Variants in PTPRD observed in about 807,000 individuals in gnomAD.
The protein encoded by PTPRD is receptor-type tyrosine-protein phosphatase delta.
Under a neutral mutation model 214.5 loss-of-function variants are expected in PTPRD, and 34 were observed. That is an observed-to-expected ratio of 0.16 (90% CI 0.12 to 0.21). The LOEUF is 0.21. PTPRD is among the 10% of genes least tolerant of loss of function. The pLI is 1.00. For missense variants in PTPRD, 2,545 were observed against 2,398.7 expected, an observed-to-expected ratio of 1.06 and a Z score of -1.27; for synonymous variants, 1,128 against 845.7, an observed-to-expected ratio of 1.33 and a Z score of -5.79.
chr9:8,707,060 G>A (rs1352010480), intron 12 of PTPRD, among the ~76,000 whole-genome samples: 1 of 152,152 alleles, frequency 6.6e-6, no homozygotes, highest in African/African-American at 2.4e-5. Flanking sequence ...TAATTACCTA[G>A]ACTAATTAAG....
chr9:9,768,743 T>C (rs557049625), intron 5 of PTPRD, among the ~76,000 whole-genome samples: 32 of 152,280 alleles, frequency 2.1e-4, no homozygotes, highest in South Asian at 1.0e-3. Flanking sequence ...AATTGTCTAA[T>C]AGCCATGAAA....
At chr9:9,780,279 C>A (rs1488086733) in intron 5 of PTPRD, among the ~76,000 whole-genome samples, 1 of 152,002 alleles carries the variant, frequency 6.6e-6, no homozygotes, top group East Asian at 1.9e-4. Context: ...GGGAGGGGAG[C>A]ATGATTTGAA....
intron 3 of PTPRD, among the ~76,000 whole-genome samples, chr9:10,043,764 C>G (rs558921156): frequency 6.6e-6 from 1 of 151,848 alleles, no homozygotes; most frequent in African/African-American, 2.4e-5. Flanking sequence ...GCAGAATCAT[C>G]CCTTGATTAT....
At chr9:9,577,058 G>A (rs2089110349) in intron 7 of PTPRD, among the ~76,000 whole-genome samples, 1 of 152,136 alleles carries the variant, frequency 6.6e-6, no homozygotes, top group Non-Finnish European at 1.5e-5. Flanking sequence ...TGTTGGGTAT[G>A]TAGATTGTAA....
intron 5 of PTPRD, among the ~76,000 whole-genome samples, chr9:9,937,696 T>C (rs2382081): frequency 0.36 from 54,885 of 151,940 alleles, 10,585 homozygotes; most frequent in East Asian, 0.74. Context: ...TGTTGATGAG[T>C]TTATCTTCTT....
chr9:8,319,583 G>A (rs1167025015), intron 45 of PTPRD, among the ~76,000 whole-genome samples: 3 of 151,870 alleles, frequency 2.0e-5, no homozygotes, highest in Non-Finnish European at 4.4e-5. Flanking sequence ...GGTCAAAAAT[G>A]GTCCAGTAGT....
At chr9:9,943,106 T>C (rs555520880) in intron 4 of PTPRD, among the ~76,000 whole-genome samples, 10 of 152,238 alleles carry the variant, frequency 6.6e-5, no homozygotes, top group South Asian at 6.2e-4. Context: ...TCCTTGGTCC[T>C]GAGACAATAT....
At chr9:8,390,969 G>C (rs769675382) in intron 36 of PTPRD, among the ~76,000 whole-genome samples, 22 of 152,090 alleles carry the variant, frequency 1.4e-4, no homozygotes, top group Non-Finnish European at 2.8e-4. Context: ...TTTTCAAATG[G>C]TCAGAATCAA....
intron 11 of PTPRD, among the ~76,000 whole-genome samples, chr9:8,911,300 G>A (rs2098745449): frequency 6.6e-6 from 1 of 152,100 alleles, no homozygotes; most frequent in South Asian, 2.1e-4. Context: ...CGTATTTAAG[G>A]TCAATTGATT....
chr9:10,018,998 G>A (rs1246527025), intron 4 of PTPRD, among the ~76,000 whole-genome samples: 4 of 152,082 alleles, frequency 2.6e-5, no homozygotes, highest in African/African-American at 7.2e-5. Context: ...GCAACCTACA[G>A]AATGGGAGAA....
At position 9,444,056 on chromosome 9, in the gene PTPRD, T is replaced by A. The variant is rs151127325; in HGVS notation, c.-236-46574A>T. Among the ~76,000 whole-genome samples the A allele has an allele frequency of 3.9e-5, 6 of 152,312 alleles. No individual in the cohort carries two copies. The East Asian group carries it at 1.2e-3, about 29-fold the overall frequency. ...GTCAAGAAAAAACAGGATTGGACTA[T>A]TTCTTGAGTAAGTCATCCTGTTTGG... On this transcript the variant is annotated intron_variant, in intron 8 of 45. Coordinates refer to ENST00000381196, the MANE Select transcript of PTPRD (RefSeq NM_002839.4).
At chr9:10,465,919 T>C (rs1329701598) in intron 2 of PTPRD, among the ~76,000 whole-genome samples, 7 of 152,282 alleles carry the variant, frequency 4.6e-5, no homozygotes, top group Admixed American at 1.3e-4. Flanking sequence ...AAATAGTAAA[T>C]ACTATATGAA....
At chr9:8,803,140 C>T (rs950484607) in intron 11 of PTPRD, among the ~76,000 whole-genome samples, 3 of 152,032 alleles carry the variant, frequency 2.0e-5, no homozygotes, top group African/African-American at 4.8e-5. Flanking sequence ...CACAAGATAA[C>T]GCATGTAAAG....
chr9:8,603,898 T>C (rs2095037230), intron 14 of PTPRD, among the ~76,000 whole-genome samples: 1 of 152,168 alleles, frequency 6.6e-6, no homozygotes, highest in Non-Finnish European at 1.5e-5. Flanking sequence ...AATGAAAACA[T>C]GTACTTTGTA....
At chr9:10,018,740 G>C (rs1327883916) in intron 4 of PTPRD, among the ~76,000 whole-genome samples, 1 of 150,102 alleles carries the variant, frequency 6.7e-6, no homozygotes, top group Non-Finnish European at 1.5e-5. Flanking sequence ...TAGTAGAGAC[G>C]GGGTTTCACC....
chr9:9,166,959 C>T (rs1038620850), intron 10 of PTPRD, among the ~76,000 whole-genome samples: 7 of 152,094 alleles, frequency 4.6e-5, no homozygotes, highest in African/African-American at 1.2e-4. Context: ...TTGCAATATA[C>T]GCTCTTAGCT....
chr9:8,658,039 A>T (rs2096949906), intron 12 of PTPRD, among the ~76,000 whole-genome samples: 1 of 152,220 alleles, frequency 6.6e-6, no homozygotes, highest in South Asian at 2.1e-4. Flanking sequence ...TGATGTACAG[A>T]GAATATGCTT....
intron 2 of PTPRD, among the ~76,000 whole-genome samples, chr9:10,366,324 C>T (rs375677468): frequency 6.6e-6 from 1 of 152,100 alleles, no homozygotes; most frequent in Non-Finnish European, 1.5e-5. Flanking sequence ...ATACAGAATA[C>T]GGAAGGCTCA....
chr9:10,330,263 G>A (rs141081903), intron 3 of PTPRD, among the ~76,000 whole-genome samples: 2 of 151,878 alleles, frequency 1.3e-5, no homozygotes, highest in African/African-American at 4.8e-5. Flanking sequence ...CATCTGGATT[G>A]AGTGTACAGA....
Sources: gnomAD v4.1 joint callset for allele counts (sites outside exome capture counted in the v4.1 genomes callset) on GRCh38, gnomAD v4.1.1 for gene constraint, MANE v1.5 for transcripts, NCBI Gene and HGNC (gene_info 2026-07-23, HGNC 2026-07-21) for gene names.